The following APBB2 variants were observed in gnomAD, a reference collection of about 807,000 sequenced individuals.
The protein encoded by APBB2 is Fe65-like 1.
Under a neutral mutation model 82.5 loss-of-function variants are expected in APBB2, and 38 were observed. The ratio of observed to expected loss-of-function variants is 0.46; its 90% CI spans 0.36 to 0.60. The LOEUF (loss-of-function observed/expected upper bound fraction) is 0.60. Ranked by LOEUF, APBB2 falls within the 20% of genes least tolerant of loss-of-function variation. The pLI, the probability that APBB2 is intolerant of heterozygous loss-of-function variation, is 0.00. For synonymous variants in APBB2, 341 were observed against 368.2 expected (o/e 0.93, Z 0.85); for missense variants, 772 against 972.3 (o/e 0.79, Z 2.74).
intron 12 of APBB2, among the ~76,000 whole-genome samples, chr4:40,853,222 C>A (rs1760048843): frequency 6.6e-6 from 1 of 152,170 alleles, no homozygotes; most frequent in African/African-American, 2.4e-5. Flanking sequence ...CAACTGGTCC[C>A]TCGTTTTCCA....
intron 3 of APBB2, among the ~76,000 whole-genome samples, chr4:41,071,273 G>A (rs981080308): frequency 6.6e-6 from 1 of 152,204 alleles, no homozygotes; most frequent in Non-Finnish European, 1.5e-5. Flanking sequence ...GGTGATGTAA[G>A]CTATCTAAAA....
intron 12 of APBB2, among the ~76,000 whole-genome samples, chr4:40,888,094 T>C (rs1388575457): frequency 2.0e-5 from 3 of 152,266 alleles, no homozygotes; most frequent in African/African-American, 7.2e-5. Flanking sequence ...GCCATGTCAT[T>C]AGCTGCATCT....
chr4:41,086,829 A>C (rs1302314022), intron 3 of APBB2, among the ~76,000 whole-genome samples: 1 of 151,504 alleles, frequency 6.6e-6, no homozygotes, highest in Non-Finnish European at 1.5e-5. Context: ...AACTTGGCTA[A>C]AAAAAAAATT....
intron 1 of APBB2, among the ~76,000 whole-genome samples, chr4:41,172,181 T>G (rs1263191466): frequency 6.6e-6 from 1 of 152,154 alleles, no homozygotes; most frequent in Non-Finnish European, 1.5e-5. Flanking sequence ...CACTGCCTGG[T>G]GCCTGGCCCC....
chr4:40,988,241 T>C (rs540197264), intron 6 of APBB2, among the ~76,000 whole-genome samples: 1 of 152,348 alleles, frequency 6.6e-6, no homozygotes, highest in South Asian at 2.1e-4. Context: ...GTTATTCCCA[T>C]TGCACTTGTG....
intron 5 of APBB2, among the ~76,000 whole-genome samples, chr4:41,026,314 A>G (rs1021846507): frequency 1.3e-5 from 2 of 152,218 alleles, no homozygotes; most frequent in East Asian, 3.8e-4. Flanking sequence ...AAACCTTCAC[A>G]TGTACCCCTG....
rs190743958 is a variant in APBB2 at position 40,957,151 on chromosome 4, G to A, written c.836-12078C>T. On this transcript the variant is annotated intron_variant, in intron 6 of 17. Coordinates refer to ENST00000508593, the MANE Select transcript of APBB2 (RefSeq NM_004307.2). Reference sequence around the variant, plus strand: ...AAGGCGGCGCAAAGCCGGGCACATAGTAATCACTCAGTAAATGTTTATTAT... The same window carrying A: ...AAGGCGGCGCAAAGCCGGGCACATAATAATCACTCAGTAAATGTTTATTAT... 5.8e-4 allele frequency among the ~76,000 whole-genome samples: 88 copies of A among 152,182 alleles called. 1 individual carries two copies. The highest frequency in any genetic ancestry group is 9.3e-4 in the Non-Finnish European group (63 of 68,032).
chr4:40,931,982 T>C (rs1395084602), intron 10 of APBB2, among the ~76,000 whole-genome samples: 2 of 152,130 alleles, frequency 1.3e-5, no homozygotes, highest in East Asian at 1.9e-4. Context: ...ATAACAGGCA[T>C]TGAAATAGAC....
At chr4:41,086,164 A>G (rs967849712) in intron 3 of APBB2, among the ~76,000 whole-genome samples, 8 of 152,218 alleles carry the variant, frequency 5.3e-5, no homozygotes, top group African/African-American at 1.9e-4. Context: ...ACCAGCAGAG[A>G]CATTGATTAG....
intron 2 of APBB2, among the ~76,000 whole-genome samples, chr4:41,125,453 G>A (rs1240120825): frequency 6.6e-6 from 1 of 152,106 alleles, no homozygotes; most frequent in Non-Finnish European, 1.5e-5. Context: ...GGGTGTCCCA[G>A]CAACCCAATC....
intron 12 of APBB2, among the ~76,000 whole-genome samples, chr4:40,866,767 G>C (rs1156560447): frequency 6.6e-6 from 1 of 151,872 alleles, no homozygotes; most frequent in African/African-American, 2.4e-5. Context: ...ACCCAGGCTG[G>C]AGTGCAGTGG....
At chr4:41,094,277 A>C (rs1053218850) in intron 3 of APBB2, among the ~76,000 whole-genome samples, 4 of 152,222 alleles carry the variant, frequency 2.6e-5, no homozygotes, top group African/African-American at 9.6e-5. Context: ...CTGCTGCAGC[A>C]ATGAAGCAGC....
chr4:41,151,892 T>C (rs1368154991), intron 1 of APBB2, among the ~76,000 whole-genome samples: 1 of 152,108 alleles, frequency 6.6e-6, no homozygotes, highest in Non-Finnish European at 1.5e-5. Context: ...TGGCCATTTA[T>C]GTCATTCATA....
intron 17 of APBB2, among the ~76,000 whole-genome samples, chr4:40,821,048 G>A (rs927972639): frequency 6.6e-6 from 1 of 152,024 alleles, no homozygotes; most frequent in African/African-American, 2.4e-5. Flanking sequence ...TGTATTTTTA[G>A]TAGAGACAGG....
intron 6 of APBB2, among the ~76,000 whole-genome samples, chr4:40,961,667 T>TAAAAAAAAAAAAAAAAAAAAAAAA (rs60942744): frequency 2.5e-4 from 17 of 68,240 alleles, no homozygotes; most frequent in East Asian, 5.4e-4. Context: ...AAAAAAGATG[T>TAAAAAAAAAAAAAAAAAAAAAAAA]AAAAAAAAAA....
intron 12 of APBB2, among the ~76,000 whole-genome samples, chr4:40,845,102 T>C (rs1757085514): frequency 6.6e-6 from 1 of 152,260 alleles, no homozygotes; most frequent in Non-Finnish European, 1.5e-5. Flanking sequence ...TGCAAACTTT[T>C]AACACAGTTA....
chr4:41,017,715 C>T (rs1036518865), intron 5 of APBB2, among the ~76,000 whole-genome samples: 1 of 152,082 alleles, frequency 6.6e-6, no homozygotes, highest in Non-Finnish European at 1.5e-5. Flanking sequence ...CCTACCAGGG[C>T]CCCCAGATTA....
intron 1 of APBB2, among the ~76,000 whole-genome samples, chr4:41,168,544 A>G (rs1767355315): frequency 6.6e-6 from 1 of 152,008 alleles, no homozygotes; most frequent in Non-Finnish European, 1.5e-5. Context: ...TTTGTTTTTT[A>G]TAACTTTGTT....
chr4:41,177,074 G>A (rs1281776622), intron 1 of APBB2, among the ~76,000 whole-genome samples: 1 of 151,952 alleles, frequency 6.6e-6, no homozygotes, highest in Non-Finnish European at 1.5e-5. Context: ...CTGCTCTTTG[G>A]TTCTGGCTCT....
Sources: gnomAD v4.1 joint callset for allele counts (sites outside exome capture counted in the v4.1 genomes callset) on GRCh38, gnomAD v4.1.1 for gene constraint, MANE v1.5 for transcripts, NCBI Gene and HGNC (gene_info 2026-07-23, HGNC 2026-07-21) for gene names.